CD247: variants seen among roughly 807,000 people sequenced by gnomAD.
CD247 encodes the protein T-cell surface glycoprotein CD3 zeta chain.
Under a neutral mutation model 30.0 loss-of-function variants are expected in CD247, and 13 were observed. The observed-to-expected ratio is 0.43, with a 90% CI of 0.28 to 0.69. The LOEUF is 0.69. Ranked by LOEUF, CD247 falls within the 30% of genes least tolerant of loss-of-function variation. The pLI is 0.16. For missense variants in CD247, 193 were observed against 212.6 expected, an observed-to-expected ratio of 0.91 and a Z score of 0.57; for synonymous variants, 72 against 80.0, an observed-to-expected ratio of 0.90 and a Z score of 0.53.
At chr1:167,436,060 G>A (rs1415473117) in intron 4 of CD247, among the ~76,000 whole-genome samples, 1 of 152,210 alleles carries the variant, frequency 6.6e-6, no homozygotes, top group Non-Finnish European at 1.5e-5. Context: ...CCTGAGCCCT[G>A]TGCTTAAAAG....
Position 167,433,471 on chromosome 1 carries a change from G to A in CD247, c.394-412C>T, listed in dbSNP as rs547394625. Among the ~76,000 whole-genome samples, 8 of 152,328 alleles carry A rather than the reference G, an allele frequency of 5.3e-5. No individual in the cohort carries two copies. The South Asian group carries it at 6.2e-4, about 12-fold the overall frequency. On this transcript the variant is annotated intron_variant, in intron 6 of 7. Coordinates refer to ENST00000362089, the MANE Select transcript of CD247 (RefSeq NM_198053.3). ...GCATAGTCAGTTCAATCACGTGCCC[G>A]TTTACCAGCTAGAAGACCTTGGGTA...
chr1:167,469,858 A>T (rs1269471733), intron 1 of CD247, among the ~76,000 whole-genome samples: 1 of 151,916 alleles, frequency 6.6e-6, no homozygotes, highest in Non-Finnish European at 1.5e-5. Context: ...CCTCTTCTCT[A>T]ATCTTACACA....
intron 1 of CD247, among the ~76,000 whole-genome samples, chr1:167,497,268 TG>T (rs1440028088): frequency 2.0e-5 from 3 of 152,194 alleles, no homozygotes; most frequent in Non-Finnish European, 4.4e-5. Context: ...TAATCAGTCT[TG>T]GGGGTAACAT....
rs577217448 is a variant in CD247, at chr1:167,504,128, C to G, written c.58+14280G>C. Among the ~76,000 whole-genome samples, 257 of 152,298 alleles carry G rather than the reference C, an allele frequency of 1.7e-3. 1 individual carries two copies. The highest frequency in any genetic ancestry group is 5.8e-3 in the African/African-American group (240 of 41,556). On this transcript the variant is annotated intron_variant, in intron 1 of 7. Transcript: ENST00000362089. ...GGAGCGAGGGCAGGCTGCCTGGGGC[C>G]AAAGGCTGGCTGTGCTCCTGCTAGC...
chr1:167,452,345 C>T (rs760241925), intron 1 of CD247, among the ~76,000 whole-genome samples: 2 of 148,808 alleles, frequency 1.3e-5, no homozygotes, highest in African/African-American at 2.5e-5. Flanking sequence ...ACCCGGGAGG[C>T]GGAGGCTGCA....
At chr1:167,475,216 A>AT (rs1378580926) in intron 1 of CD247, among the ~76,000 whole-genome samples, 1 of 152,148 alleles carries the variant, frequency 6.6e-6, no homozygotes, top group Admixed American at 6.5e-5. Flanking sequence ...TCAAACACAC[A>AT]TAAGAGTGGA....
At chr1:167,517,660 T>A (rs1366225419) in intron 1 of CD247, among the ~76,000 whole-genome samples, 1 of 152,192 alleles carries the variant, frequency 6.6e-6, no homozygotes, top group Non-Finnish European at 1.5e-5. Context: ...GTTCTGTCAA[T>A]GCCGGGCCCT....
intron 1 of CD247, among the ~76,000 whole-genome samples, chr1:167,506,494 G>A (rs1325947990): frequency 3.3e-5 from 5 of 151,424 alleles, no homozygotes; most frequent in Admixed American, 6.6e-5. Flanking sequence ...ACTACAGGGG[G>A]GTGTCACCGT....
At chr1:167,487,874 G>A (rs1654280557) in intron 1 of CD247, among the ~76,000 whole-genome samples, 4 of 152,174 alleles carry the variant, frequency 2.6e-5, no homozygotes, top group Non-Finnish European at 5.9e-5. Flanking sequence ...GGGATTACAA[G>A]TATCTACCAC....
chr1:167,452,235 A>T (rs1652382758), intron 1 of CD247, among the ~76,000 whole-genome samples: 1 of 152,020 alleles, frequency 6.6e-6, no homozygotes, highest in Non-Finnish European at 1.5e-5. Flanking sequence ...CAAACAAAAC[A>T]AAACAAAACA....
At chr1:167,503,865 G>T (rs961129808) in intron 1 of CD247, among the ~76,000 whole-genome samples, 1 of 152,198 alleles carries the variant, frequency 6.6e-6, no homozygotes, top group Admixed American at 6.5e-5. Flanking sequence ...TCTAGCCTGA[G>T]GGTGGGAAGT....
At chr1:167,499,623 A>T (rs1654824665) in intron 1 of CD247, among the ~76,000 whole-genome samples, 1 of 152,216 alleles carries the variant, frequency 6.6e-6, no homozygotes, top group Admixed American at 6.5e-5. Context: ...GAAAATGAAA[A>T]GTAGGCGTAA....
chr1:167,482,952 C>G (rs1654032001), intron 1 of CD247, among the ~76,000 whole-genome samples: 1 of 151,388 alleles, frequency 6.6e-6, no homozygotes, highest in African/African-American at 2.4e-5. Context: ...CTAATCTGAT[C>G]CAGTAACCAC....
chr1:167,507,665 G>A (rs938931834), intron 1 of CD247, among the ~76,000 whole-genome samples: 3 of 151,944 alleles, frequency 2.0e-5, no homozygotes, highest in African/African-American at 7.3e-5. Context: ...GTGAGAACCT[G>A]TATCTACAAA....
At chr1:167,510,025 C>T (rs1171243927) in intron 1 of CD247, among the ~76,000 whole-genome samples, 1 of 152,164 alleles carries the variant, frequency 6.6e-6, no homozygotes, top group Non-Finnish European at 1.5e-5. Context: ...TCTCCCTTCT[C>T]CACAGAATCC....
At chr1:167,507,986 T>A (rs1655218376) in intron 1 of CD247, among the ~76,000 whole-genome samples, 1 of 152,222 alleles carries the variant, frequency 6.6e-6, no homozygotes, top group Non-Finnish European at 1.5e-5. Flanking sequence ...AGTCTGAGAC[T>A]TTGTGTTTAC....
chr1:167,439,326 A>ACGG lies in CD247; in HGVS notation c.219+15_219+17dup. On this transcript the variant is annotated intron_variant, in intron 3 of 7. Coordinates refer to ENST00000362089, the MANE Select transcript of CD247 (RefSeq NM_198053.3). ...GCTGCCCTTCCTTTCCGGAGGGTCT[A>ACGG]CGGCGAGGCTGACTTACGTTATAGA... The ACGG allele has an allele frequency of 6.2e-7, 1 of 1,612,696 alleles. No homozygotes were observed. The highest frequency in any genetic ancestry group is 8.5e-7 in the Non-Finnish European group (1 of 1,178,738).
chr1:167,452,236 A>C (rs1418268422), intron 1 of CD247, among the ~76,000 whole-genome samples: 1 of 151,962 alleles, frequency 6.6e-6, no homozygotes, highest in Non-Finnish European at 1.5e-5. Flanking sequence ...AAACAAAACA[A>C]AACAAAACAA....
At chr1:167,493,418 T>C (rs1241567823) in intron 1 of CD247, among the ~76,000 whole-genome samples, 1 of 152,200 alleles carries the variant, frequency 6.6e-6, no homozygotes, top group Non-Finnish European at 1.5e-5. Flanking sequence ...TAAGCATCTC[T>C]ATCCTTAGCT....
Sources: gnomAD v4.1 joint callset for allele counts (sites outside exome capture counted in the v4.1 genomes callset) on GRCh38, gnomAD v4.1.1 for gene constraint, MANE v1.5 for transcripts, NCBI Gene and HGNC (gene_info 2026-07-23, HGNC 2026-07-21) for gene names.